PLCD4: variants seen among roughly 807,000 people sequenced by gnomAD.
PLCD4 encodes phospholipase C delta 4.
A neutral mutation model predicts 90.2 loss-of-function variants in PLCD4; 63 were observed. That is an observed-to-expected ratio of 0.70 (90% confidence interval 0.57 to 0.86). The LOEUF (loss-of-function observed/expected upper bound fraction) is 0.86, where lower values mean the gene tolerates loss of function less well. Ranked by LOEUF, PLCD4 falls within the 40% of genes least tolerant of loss-of-function variation. PLCD4 has a pLI of 0.00. For missense variants in PLCD4, 830 were observed against 956.3 expected (o/e 0.87, Z 1.74); for synonymous variants, 294 against 356.5 (o/e 0.82, Z 1.97).
rs750562128 is a variant in PLCD4, at chr2:218,635,910, A to AC, written c.2013dup (p.Asn672GlnfsTer9). 6 of 1,613,990 alleles carry AC rather than the reference A, an allele frequency of 3.7e-6. No homozygotes were observed. The highest frequency in any genetic ancestry group is 5.1e-6 in the Non-Finnish European group (6 of 1,179,894). ...TCGTCTAGACACAGCACGGCAGGAGACCAACTATGTGGAGAACAATGGTGA... is the reference window on the plus strand; with the variant it reads ...TCGTCTAGACACAGCACGGCAGGAGACCCAACTATGTGGAGAACAATGGTGA... On this transcript the variant is annotated frameshift_variant, in exon 14 of 16. Coordinates refer to ENST00000450993, the MANE Select transcript of PLCD4 (RefSeq NM_032726.4). LOFTEE classifies it high-confidence loss of function.
At chr2:218,621,068 G>A (rs898444351) in intron 4 of PLCD4, among the ~76,000 whole-genome samples, 3 of 152,134 alleles carry the variant, frequency 2.0e-5, no homozygotes, top group East Asian at 3.9e-4. Context: ...TAGCTGGAAC[G>A]ACAGGTGTGT....
At chr2:218,626,199 A>G (rs754332081) in intron 6 of PLCD4, among the ~76,000 whole-genome samples, 2 of 151,256 alleles carry the variant, frequency 1.3e-5, no homozygotes, top group Non-Finnish European at 2.9e-5. Context: ...GCAAGGCTGC[A>G]GTGAGTTGTG....
intron 5 of PLCD4, 49 bp from the exon 6 acceptor site, chr2:218,622,598 C>A: frequency 3.7e-6 from 5 of 1,356,266 alleles, no homozygotes; most frequent in East Asian, 2.5e-5. Context: ...AAAAAGATAA[C>A]ATTTCCCATT....
chr2:218,621,435 G>T (rs1157564247), intron 4 of PLCD4, 35 bp from the exon 5 acceptor site: 4 of 1,612,488 alleles, frequency 2.5e-6, no homozygotes. Flanking sequence ...CACACAAACA[G>T]ATACATTAGT....
In PLCD4 at chr2:218,629,604, C is replaced by T; in HGVS notation, c.1060C>T (p.Leu354=). ...GEPVVYHGHT[L]TSRILFKDVV... Reference sequence around the variant, plus strand: ...ACCTGTCGTTTACCACGGACACACCCTGACCTCCCGCATCCTGTTCAAAGA... The same window carrying T: ...ACCTGTCGTTTACCACGGACACACCTTGACCTCCCGCATCCTGTTCAAAGA... Residue 354 remains leucine (L), a synonymous_variant, in exon 8 of 16, where the codon CTG becomes TTG. Coordinates refer to ENST00000450993, the MANE Select transcript of PLCD4 (RefSeq NM_032726.4). 6.2e-7 allele frequency: 1 copy of T among 1,613,778 alleles called. No individual in the cohort carries two copies. Among genetic ancestry groups the T allele is most frequent in the Non-Finnish European group, 8.5e-7 (1 of 1,179,868 alleles).
At chr2:218,626,804 A>G (rs988164160) in intron 6 of PLCD4, among the ~76,000 whole-genome samples, 22 of 152,224 alleles carry the variant, frequency 1.4e-4, no homozygotes, top group African/African-American at 5.3e-4. Flanking sequence ...AGTTAGTCAC[A>G]GGTACACAGC....
rs577238434 is a variant in PLCD4, at chr2:218,634,649, G to A, written c.1896+19G>A. The A allele has an allele frequency of 6.2e-7, 1 of 1,610,266 alleles. No homozygotes were observed. Among genetic ancestry groups the A allele is most frequent in the African/African-American group, 1.3e-5 (1 of 74,852 alleles). The stretch of plus-strand genomic sequence containing the variant: ...AATCCAGGTACAGTGGAAATAAACT[G>A]TTGGGAAGAAACTGAGATAACTGGG... On this transcript the variant is annotated intron_variant, in intron 13 of 15. Transcript: ENST00000450993. The surrounding 1 kb of genome is among the most constrained non-coding windows in gnomAD (Gnocchi z 4.0).
At position 218,610,926 on chromosome 2, in the gene PLCD4, C is replaced by G. The variant is rs535845292; in HGVS notation, c.-34+2856C>G. ...TATTTTTAGTAGAGAAGGGGTTTCA[C>G]CATGTCGGTCAGGCTGGTCTCGAAC... is the stretch of plus-strand genomic sequence containing the variant. On this transcript the variant is annotated intron_variant, in intron 1 of 15. Coordinates refer to ENST00000450993, the MANE Select transcript of PLCD4 (RefSeq NM_032726.4). Among the ~76,000 whole-genome samples, 150 of 152,252 alleles carry G rather than the reference C, an allele frequency of 9.9e-4. 1 individual carries two copies. The highest frequency in any genetic ancestry group is 1.7e-3 in the Non-Finnish European group (117 of 68,028).
chr2:218,633,976 GCA>G, intron 11 of PLCD4, 127 bp from the exon 12 acceptor site: 1 of 1,331,810 alleles, frequency 7.5e-7, no homozygotes, highest in South Asian at 1.4e-5. Context: ...GAGTAGAGAG[GCA>G]CAGTGAAACT....
chr2:218,630,665 G>C lies in PLCD4; in HGVS notation c.1135G>C (p.Val379Leu). The C allele has an allele frequency of 6.2e-7, 1 of 1,614,020 alleles. No homozygotes were observed. The highest frequency in any genetic ancestry group is 8.5e-7 in the Non-Finnish European group (1 of 1,179,886). The change falls in exon 9 of 16, where the codon GTC (valine) becomes CTC (leucine). Residue 379 changes from valine to leucine, a missense_variant. Coordinates refer to ENST00000450993, the MANE Select transcript of PLCD4 (RefSeq NM_032726.4). Reference sequence around the variant, plus strand: ...TCACCACCAGACATCAGACTACCCAGTCATCTTGTCCCTGGAGACCCACTG... The same window carrying C: ...TCACCACCAGACATCAGACTACCCACTCATCTTGTCCCTGGAGACCCACTG... ...QYAFQTSDYP[V>L]ILSLETHCSW... is the part of the protein sequence containing the mutation.
In PLCD4 at chr2:218,614,018, CT is replaced by C. The variant is rs71036590; in HGVS notation, c.-33-1676del. Among the ~76,000 whole-genome samples, 706 of 143,950 alleles carry C rather than the reference CT, an allele frequency of 4.9e-3. 3 individuals carry two copies. Among genetic ancestry groups the C allele is most frequent in the Middle Eastern group, 0.011 (3 of 276 alleles). The allele number at this position is 143,950 out of a possible 152,430, so 94.4% of individuals were successfully genotyped here. ...GCATATATCTTTTCTTCTTCTTCTT[CT>C]TTTTTTTTTTTTGAGATGGAGTCTT... On this transcript the variant is annotated intron_variant, in intron 1 of 15. Coordinates refer to ENST00000450993, the MANE Select transcript of PLCD4 (RefSeq NM_032726.4).
intron 11 of PLCD4, 88 bp downstream of exon 11, chr2:218,633,849 A>G (rs1000996131): frequency 6.7e-7 from 1 of 1,481,920 alleles, no homozygotes; most frequent in African/African-American, 1.4e-5. Context: ...AAGAAAAAAG[A>G]CAAGGTAGCT....
chr2:218,632,187 G>A lies in PLCD4; in HGVS notation c.1324G>A (p.Asp442Asn), dbSNP rs1373151149. The change falls in exon 10 of 16, where the codon GAC (aspartate) becomes AAC (asparagine). Residue 442 changes from aspartate to asparagine, a missense_variant. By Grantham distance (23) the Asp-to-Asn change is conservative. Transcript: ENST00000450993. The stretch of plus-strand genomic sequence containing the variant: ...GGGGAAGAAGTTAACACTTGAGGAA[G>A]ACCTGGAATATGAGGAAGAGGAAGC... ...VKGKKLTLEE[D>N]LEYEEEEAEP... 6.2e-7 allele frequency: 1 copy of A among 1,611,014 alleles called. No individual in the cohort carries two copies. Among genetic ancestry groups the A allele is most frequent in the Non-Finnish European group, 8.5e-7 (1 of 1,178,828 alleles).
At position 218,622,706 on chromosome 2, in the gene PLCD4, G is replaced by A. The variant is rs749589332; in HGVS notation, c.600G>A (p.Lys200=). 9 of 1,614,024 alleles carry A rather than the reference G, an allele frequency of 5.6e-6. No individual in the cohort carries two copies. Among genetic ancestry groups the A allele is most frequent in the Non-Finnish European group, 7.6e-6 (9 of 1,179,910 alleles). ...LEGEEFVQFY[K]ALTKRAEVQE... is the part of the protein sequence containing the mutation. ...GAGAAGAATTCGTACAGTTCTATAA[G>A]GCATTGACTAAACGTGCTGAGGTGC... The change falls in exon 6 of 16, where the codon AAG becomes AAA. Residue 200 remains lysine, a synonymous_variant. Transcript: ENST00000450993.
chr2:218,628,000 C>A (rs375224200), intron 6 of PLCD4, 29 bp from the exon 7 acceptor site: 2 of 1,586,690 alleles, frequency 1.3e-6, no homozygotes, highest in Non-Finnish European at 1.7e-6. Context: ...CAGAGCTTCT[C>A]ACCTAGTGTT....
At chr2:218,629,863 A>G (rs75577384) in intron 8 of PLCD4, among the ~76,000 whole-genome samples, 200 bp downstream of exon 8, 2,399 of 152,280 alleles carry the variant, frequency 0.016, 63 homozygotes, top group African/African-American at 0.055. Context: ...TTATGGAGGT[A>G]ATTACTTATG....
Position 218,632,292 on chromosome 2 carries a change from C to T in PLCD4, c.1429C>T (p.Gln477Ter). ...TEPEPQEQNL[Q>*]NKDKKKKSKP... is the part of the protein sequence containing the mutation. ...GCCTGAGCCCCAGGAGCAGAACCTTCAGAATAAGGACAAAAAGAAGGTAAG... is the reference window on the plus strand; with the variant it reads ...GCCTGAGCCCCAGGAGCAGAACCTTTAGAATAAGGACAAAAAGAAGGTAAG... The change falls in exon 10 of 16, where the codon CAG becomes TAG. Residue 477 changes from glutamine to a stop codon, truncating the protein, a stop_gained. Coordinates refer to ENST00000450993, the MANE Select transcript of PLCD4 (RefSeq NM_032726.4). LOFTEE classifies it high-confidence loss of function. 1.9e-6 allele frequency: 3 copies of T among 1,609,134 alleles called. No homozygotes were observed. Among genetic ancestry groups the T allele is most frequent in the Non-Finnish European group, 2.5e-6 (3 of 1,177,876 alleles).
chr2:218,632,003 G>A (rs927507299), intron 9 of PLCD4, 133 bp from the exon 10 acceptor site: 1 of 873,794 alleles, frequency 1.1e-6, no homozygotes, highest in Non-Finnish European at 1.7e-6. Flanking sequence ...GTATCAAGCA[G>A]CTAATCTCTT....
rs766053990 is a variant in PLCD4, at chr2:218,613,741, T to C, written c.-33-1966T>C. On this transcript the variant is annotated intron_variant, in intron 1 of 15. Coordinates refer to ENST00000450993, the MANE Select transcript of PLCD4 (RefSeq NM_032726.4). ...ACCACACTCGGCTAATTTAAAAAAA[T>C]TCTTTGTAGAGATGGAGGTCTCAAT... Among the ~76,000 whole-genome samples, 18 of 152,116 alleles carry C rather than the reference T, an allele frequency of 1.2e-4. No individual in the cohort carries two copies. In the East Asian group the frequency reaches 3.5e-3, roughly 30 times the overall value.
Sources: gnomAD v4.1 joint callset for allele counts (sites outside exome capture counted in the v4.1 genomes callset) on GRCh38, gnomAD v4.1.1 for gene constraint, Gnocchi (gnomAD v3.1) non-coding constraint, MANE v1.5 for transcripts, NCBI Gene and HGNC (gene_info 2026-07-23, HGNC 2026-07-21) for gene names.